SYN3: variants seen among roughly 807,000 people sequenced by gnomAD.
SYN3 encodes synapsin-3.
SYN3 carries 35 observed loss-of-function variants against 65.8 expected under a neutral mutation model. The ratio of observed to expected loss-of-function variants is 0.53; its 90% confidence interval spans 0.41 to 0.70. The LOEUF (loss-of-function observed/expected upper bound fraction) is 0.70. SYN3 is among the 30% of genes least tolerant of loss of function. The probability of loss-of-function intolerance (pLI) is 0.00; values close to 1 mark genes in which losing one functional copy is unlikely to be tolerated. For synonymous variants in SYN3, 270 were observed against 292.9 expected (o/e 0.92, Z 0.80); for missense variants, 680 against 749.0 (o/e 0.91, Z 1.08).
intron 6 of SYN3, among the ~76,000 whole-genome samples, chr22:32,638,230 A>T (rs2059846944): frequency 1.3e-5 from 2 of 152,152 alleles, no homozygotes; most frequent in African/African-American, 4.8e-5. Context: ...GTGGGTGTCT[A>T]TGTGATTCCA....
At chr22:33,040,344 G>A (rs772004269) in intron 1 of SYN3, among the ~76,000 whole-genome samples, 1 of 151,986 alleles carries the variant, frequency 6.6e-6, no homozygotes, top group African/African-American at 2.4e-5. Context: ...GAGTGTGGAC[G>A]AATGAAAGGG....
intron 4 of SYN3, among the ~76,000 whole-genome samples, chr22:32,929,633 G>A (rs758013715): frequency 1.3e-5 from 2 of 152,074 alleles, no homozygotes; most frequent in Non-Finnish European, 2.9e-5. Flanking sequence ...GGAGGGCTGG[G>A]GTATTCAAAC....
chr22:32,666,261 T>A (rs130732), intron 6 of SYN3, among the ~76,000 whole-genome samples: 43,072 of 152,156 alleles, frequency 0.28, 7,253 homozygotes, highest in Middle Eastern at 0.4. Flanking sequence ...TTGAACCACA[T>A]GTCGGAGTGT....
intron 6 of SYN3, among the ~76,000 whole-genome samples, chr22:32,633,534 G>C (rs1356136213): frequency 6.6e-6 from 1 of 152,232 alleles, no homozygotes; most frequent in African/African-American, 2.4e-5. Flanking sequence ...GGGAATCCTA[G>C]TTGTTGGGAA....
rs757479781 is a variant in SYN3, at chr22:32,601,944, C to CT, written c.712-5209dup. 4.6e-3 allele frequency among the ~76,000 whole-genome samples: 635 copies of CT among 136,796 alleles called. 6 individuals are homozygous for CT. The highest frequency in any genetic ancestry group is 4.4e-3 in the East Asian group (21 of 4,756). 89.7% of individuals were successfully genotyped at this position (136,796 alleles called of 152,430 possible). A position where few individuals can be genotyped will look rare whatever the true frequency, so the allele number is the denominator to read the frequency against. ...ACTCCCAGAGCTTTTCTTTTCTTTT[C>CT]TTTTTTTTTTTTTGTGACACTTCTT... On this transcript the variant is annotated intron_variant, in intron 6 of 13. Coordinates refer to ENST00000358763, the MANE Select transcript of SYN3 (RefSeq NM_003490.4).
At chr22:32,931,726 T>A (rs1010123650) in intron 3 of SYN3, among the ~76,000 whole-genome samples, 1 of 152,354 alleles carries the variant, frequency 6.6e-6, no homozygotes, top group Admixed American at 6.5e-5. Context: ...AGCCCATGTG[T>A]CTCTGATTCA....
intron 6 of SYN3, among the ~76,000 whole-genome samples, chr22:32,850,140 A>G (rs1418971133): frequency 6.6e-6 from 1 of 150,806 alleles, no homozygotes; most frequent in African/African-American, 2.4e-5. Flanking sequence ...TATTCTTATC[A>G]TTAAACATAT....
intron 6 of SYN3, among the ~76,000 whole-genome samples, chr22:32,679,884 T>C (rs111531398): frequency 7.7e-6 from 1 of 130,374 alleles, no homozygotes; most frequent in Admixed American, 7.7e-5. Context: ...GAATTCCTTA[T>C]ATATTTTGGA....
At chr22:32,815,099 T>C (rs147737918) in intron 6 of SYN3, among the ~76,000 whole-genome samples, 5 of 152,244 alleles carry the variant, frequency 3.3e-5, no homozygotes, top group Admixed American at 1.3e-4. Flanking sequence ...GTGGCCGCCA[T>C]GTTAATACTA....
At chr22:32,820,313 C>T (rs1414362838) in intron 6 of SYN3, among the ~76,000 whole-genome samples, 3 of 146,472 alleles carry the variant, frequency 2.0e-5, no homozygotes, top group Admixed American at 6.8e-5. Context: ...TGTTCTACTC[C>T]GTGTGTGTGT....
chr22:32,693,703 T>G (rs2060698772), intron 6 of SYN3, among the ~76,000 whole-genome samples: 1 of 147,398 alleles, frequency 6.8e-6, no homozygotes, highest in Admixed American at 6.8e-5. Context: ...ATGATTCTCC[T>G]GCCTCAGCCA....
chr22:33,035,171 G>T (rs1437519030), intron 1 of SYN3, among the ~76,000 whole-genome samples: 1 of 152,124 alleles, frequency 6.6e-6, no homozygotes, highest in African/African-American at 2.4e-5. Context: ...CTATGCGACA[G>T]TAACAATGAT....
chr22:32,967,973 A>C (rs946302155), intron 3 of SYN3, among the ~76,000 whole-genome samples: 2 of 152,226 alleles, frequency 1.3e-5, no homozygotes, highest in African/African-American at 4.8e-5. Context: ...GATCATCAAC[A>C]GATGAAGGAA....
rs1569239923 is a variant in SYN3, at chr22:32,807,394, A to AT, written c.711+57520_711+57521insA. ...ATTATATATAATATATATTATATAT[A>AT]ATATATATATATTATATTTACATAT... On this transcript the variant is annotated intron_variant, in intron 6 of 13. Transcript: ENST00000358763. 1.2e-3 allele frequency among the ~76,000 whole-genome samples: 116 copies of AT among 100,592 alleles called. 1 individual carries two copies. Among genetic ancestry groups the AT allele is most frequent in the African/African-American group, 4.5e-3 (114 of 25,582 alleles). 66.0% of individuals were successfully genotyped at this position (100,592 alleles called of 152,430 possible).
At chr22:32,623,569 C>T (rs1436895246) in intron 6 of SYN3, among the ~76,000 whole-genome samples, 1 of 152,244 alleles carries the variant, frequency 6.6e-6, no homozygotes, top group Non-Finnish European at 1.5e-5. Flanking sequence ...CCTGCCTGCC[C>T]TGCCTGGCCT....
At chr22:33,015,327 G>A in intron 1 of SYN3, 2 of 669,270 alleles carry the variant, frequency 3.0e-6, no homozygotes, top group South Asian at 1.7e-5. Context: ...AAACAAAGAC[G>A]TGAAGAATCC....
At chr22:32,838,758 C>T (rs1360546029) in intron 6 of SYN3, among the ~76,000 whole-genome samples, 4 of 151,980 alleles carry the variant, frequency 2.6e-5, no homozygotes, top group African/African-American at 7.3e-5. Context: ...AAACCATCCC[C>T]GTCTTCGTTA....
At chr22:32,747,164 C>A (rs886791855) in intron 6 of SYN3, among the ~76,000 whole-genome samples, 11 of 152,192 alleles carry the variant, frequency 7.2e-5, no homozygotes, top group Non-Finnish European at 1.2e-4. Flanking sequence ...CTAAGTAGAG[C>A]AGTTCAATAG....
At chr22:32,697,544 T>C (rs1359750746) in intron 6 of SYN3, among the ~76,000 whole-genome samples, 3 of 152,180 alleles carry the variant, frequency 2.0e-5, no homozygotes, top group Non-Finnish European at 4.4e-5. Context: ...AAGCAATCCA[T>C]ATAAGATGGT....
Sources: allele counts gnomAD v4.1 joint callset (sites outside exome capture counted in the v4.1 genomes callset), GRCh38; gene constraint gnomAD v4.1.1; transcripts MANE v1.5; gene names NCBI Gene and HGNC (gene_info 2026-07-23, HGNC 2026-07-21).